The following WASF3 variants were observed in gnomAD, a reference collection of about 807,000 sequenced individuals.
WASF3 encodes the protein WASP family member 3.
A neutral mutation model predicts 46.6 loss-of-function variants in WASF3; 11 were observed. That is an observed-to-expected ratio of 0.24 (90% CI 0.15 to 0.39). The LOEUF (loss-of-function observed/expected upper bound fraction) is 0.39, where lower values mean the gene tolerates loss of function less well. Among genes scored for constraint, WASF3 ranks in the 10% least tolerant of loss-of-function variants. The pLI is 1.00. For synonymous variants in WASF3, 242 were observed against 259.7 expected, an observed-to-expected ratio of 0.93 and a Z score of 0.65; for missense variants, 576 against 669.8, an observed-to-expected ratio of 0.86 and a Z score of 1.55.
At chr13:26,608,765 A>G (rs1360686881) in intron 1 of WASF3, among the ~76,000 whole-genome samples, 3 of 152,196 alleles carry the variant, frequency 2.0e-5, no homozygotes, top group Admixed American at 1.3e-4. Flanking sequence ...CTGTCTTGTT[A>G]TGCTAGACAT....
intron 2 of WASF3, among the ~76,000 whole-genome samples, chr13:26,618,424 A>T (rs1202661283): frequency 6.6e-6 from 1 of 152,006 alleles, no homozygotes; most frequent in African/African-American, 2.4e-5. Context: ...CATTATTATG[A>T]ATTTGAGACA....
intron 1 of WASF3, among the ~76,000 whole-genome samples, chr13:26,583,406 A>G (rs1880040587): frequency 2.6e-5 from 4 of 152,164 alleles, no homozygotes; most frequent in Admixed American, 2.6e-4. Flanking sequence ...CTTCTCCTAT[A>G]GTGTTTATTA....
intron 3 of WASF3, among the ~76,000 whole-genome samples, chr13:26,654,734 C>T (rs778223360): frequency 3.9e-5 from 6 of 152,110 alleles, no homozygotes; most frequent in Non-Finnish European, 8.8e-5. Flanking sequence ...AATTTTCTAT[C>T]ATGAGCATGT....
In WASF3 at chr13:26,687,399, C is replaced by G. The variant is rs140832492; in HGVS notation, c.*1554C>G. The G allele has an allele frequency of 6.1e-3, 927 of 152,296 alleles. 2 individuals are homozygous for G. The highest frequency in any genetic ancestry group is 0.014 in the Middle Eastern group (4 of 296). The allele number at this position is 152,296 out of a possible 1,614,324, so 9.4% of individuals were successfully genotyped here. On this transcript the variant is annotated 3_prime_UTR_variant, in exon 10 of 10. Transcript: ENST00000335327. ...GATGGGGGTTTTTGTTAAAATGCATCTGAGCAAGTCAGCCAGCCCCGAAGT... is the reference window on the plus strand; with the variant it reads ...GATGGGGGTTTTTGTTAAAATGCATGTGAGCAAGTCAGCCAGCCCCGAAGT...
intron 2 of WASF3, among the ~76,000 whole-genome samples, chr13:26,627,070 G>C (rs1172632137): frequency 6.6e-6 from 1 of 152,108 alleles, no homozygotes; most frequent in African/African-American, 2.4e-5. Context: ...TAATCATTTG[G>C]CTTTAATTGG....
intron 2 of WASF3, among the ~76,000 whole-genome samples, chr13:26,625,806 A>T (rs779831366): frequency 4.6e-5 from 7 of 152,236 alleles, no homozygotes; most frequent in Non-Finnish European, 1.0e-4. Flanking sequence ...TTCTCACACT[A>T]TGCATGAAGT....
At chr13:26,556,452 T>C (rs1482180955), upstream of WASF3, among the ~76,000 whole-genome samples, 1 of 152,258 alleles carries the variant, frequency 6.6e-6, no homozygotes, top group African/African-American at 2.4e-5. Context: ...TTTAAAATAC[T>C]GGGTCACTGT....
At chr13:26,602,696 A>G (rs560779501) in intron 1 of WASF3, among the ~76,000 whole-genome samples, 11 of 152,292 alleles carry the variant, frequency 7.2e-5, no homozygotes, top group African/African-American at 2.6e-4. Context: ...TGCACATGAA[A>G]TCTTTATGTC....
intron 1 of WASF3, among the ~76,000 whole-genome samples, chr13:26,558,637 G>A (rs554954482): frequency 6.6e-6 from 1 of 152,346 alleles, no homozygotes; most frequent in South Asian, 2.1e-4. Context: ...TGGTGGAGAC[G>A]AGAGTTCTTA....
At chr13:26,572,846 C>T (rs970675825) in intron 1 of WASF3, among the ~76,000 whole-genome samples, 1 of 152,096 alleles carries the variant, frequency 6.6e-6, no homozygotes, top group Admixed American at 6.6e-5. Context: ...AGCCACCGCG[C>T]CTGGCCTGGT....
In WASF3 at chr13:26,583,208, A is replaced by G. The variant is rs556847364; in HGVS notation, c.-109+25389A>G. ...TTATGTGATCTCATTTGATGTATAC[A>G]ACACCATAAGGTGGCTTATTATTCA... On this transcript the variant is annotated intron_variant, in intron 1 of 9. Transcript: ENST00000335327. Among the ~76,000 whole-genome samples, 5 of 152,340 alleles carry G rather than the reference A, an allele frequency of 3.3e-5. No homozygotes were observed. In the South Asian group the frequency reaches 1.0e-3, roughly 32 times the overall value.
At chr13:26,554,052 C>T (rs542234289), upstream of WASF3, among the ~76,000 whole-genome samples, 1,356 of 70,106 alleles carry the variant, frequency 0.019, 167 homozygotes, top group African/African-American at 0.051. Flanking sequence ...TCCTTCCTTC[C>T]TTCCTTCCTT....
rs200021774 is a variant in WASF3 at position 26,676,692 on chromosome 13, G to A, written c.684G>A (p.Ala228=). 1.7e-5 allele frequency: 28 copies of A among 1,614,010 alleles called. No individual in the cohort carries two copies. Among genetic ancestry groups the A allele is most frequent in the East Asian group, 4.5e-5 (2 of 44,882 alleles). ...NRLSQSVYHG[A]SSEGSLSPDT... Reference sequence around the variant, plus strand: ...TGTCTCAGAGTGTGTACCATGGAGCGTCTTCCGAGGGATCCCTGTCCCCAG... The same window carrying A: ...TGTCTCAGAGTGTGTACCATGGAGCATCTTCCGAGGGATCCCTGTCCCCAG... Residue 228 remains alanine, a synonymous_variant, in exon 7 of 10, where the codon GCG becomes GCA. Transcript: ENST00000335327.
chr13:26,640,488 G>C (rs1593164551), intron 2 of WASF3: 1 of 150,908 alleles, frequency 6.6e-6, no homozygotes, highest in East Asian at 1.9e-4. Context: ...TGCAATCTCT[G>C]CCTCCTGGGT....
intron 3 of WASF3, among the ~76,000 whole-genome samples, chr13:26,645,802 G>A (rs543140952): frequency 8.5e-5 from 13 of 152,290 alleles, no homozygotes; most frequent in African/African-American, 2.4e-4. Flanking sequence ...TAACTGATGA[G>A]TACTTTAGAA....
intron 1 of WASF3, among the ~76,000 whole-genome samples, chr13:26,568,468 C>T (rs537463775): frequency 6.6e-6 from 1 of 152,218 alleles, no homozygotes; most frequent in Admixed American, 6.5e-5. Flanking sequence ...AAAGGTGACA[C>T]CTTGACCTGA....
At chr13:26,582,306 C>T (rs972743449) in intron 1 of WASF3, among the ~76,000 whole-genome samples, 2 of 152,042 alleles carry the variant, frequency 1.3e-5, no homozygotes, top group African/African-American at 2.4e-5. Context: ...GTGTTCAAAT[C>T]TTGACTCTGT....
upstream of WASF3, among the ~76,000 whole-genome samples, chr13:26,557,534 C>A (rs1222014587): frequency 2.0e-5 from 3 of 152,172 alleles, no homozygotes; most frequent in Non-Finnish European, 4.4e-5. Flanking sequence ...CACCGTCGCT[C>A]AGCGCGCTCG....
rs1465038560 is a variant in WASF3, at chr13:26,686,822, C to CT, written c.*980dup. 2 of 152,234 alleles carry CT rather than the reference C, an allele frequency of 1.3e-5. No individual in the cohort carries two copies. Among genetic ancestry groups the CT allele is most frequent in the Non-Finnish European group, 2.9e-5 (2 of 68,064 alleles). The allele number at this position is 152,234 out of a possible 1,614,324, so 9.4% of individuals were successfully genotyped here. ...GCTCCTCAGCGAGCAACAGAGAGCA[C>CT]TTTAGATGGCACCTTTCACCACTTG... On this transcript the variant is annotated 3_prime_UTR_variant, in exon 10 of 10. Transcript: ENST00000335327.
Sources: allele counts gnomAD v4.1 joint callset (sites outside exome capture counted in the v4.1 genomes callset), GRCh38; gene constraint gnomAD v4.1.1; transcripts MANE v1.5; gene names NCBI Gene and HGNC (gene_info 2026-07-23, HGNC 2026-07-21).